Variants in ERBB2 observed in about 807,000 individuals in gnomAD.
ERBB2 encodes the protein receptor tyrosine-protein kinase erbB-2.
ERBB2 carries 61 observed loss-of-function variants against 149.0 expected under a neutral mutation model. That is an observed-to-expected ratio of 0.41 (90% CI 0.33 to 0.51). ERBB2 has a LOEUF of 0.51. ERBB2 is among the 20% of genes least tolerant of loss of function. The pLI, the probability that ERBB2 is intolerant of heterozygous loss-of-function variation, is 0.25. For synonymous variants in ERBB2, 633 were observed against 678.8 expected (o/e 0.93, Z 1.05); for missense variants, 1,205 against 1,655.1 (o/e 0.73, Z 4.72).
chr17:39,713,758 GA>G (rs774902171), intron 9 of ERBB2, among the ~76,000 whole-genome samples: 8,288 of 88,790 alleles, frequency 0.093, 451 homozygotes, highest in African/African-American at 0.19. Flanking sequence ...GTCTCAAAAA[GA>G]AAAAAAAAAA....
At chr17:39,706,457 G>T (rs562669082) in intron 1 of ERBB2, among the ~76,000 whole-genome samples, 1 of 152,174 alleles carries the variant, frequency 6.6e-6, no homozygotes, top group Non-Finnish European at 1.5e-5. Flanking sequence ...TGCAACTCCA[G>T]CTGACCCTCC....
chr17:39,695,704 TAC>T (rs56249643), upstream of ERBB2, among the ~76,000 whole-genome samples: 6,374 of 96,512 alleles, frequency 0.066, 216 homozygotes, highest in East Asian at 0.098. Flanking sequence ...GGTGCATGCA[TAC>T]ACACACACAC....
At chr17:39,721,116 T>A (rs956892040) in intron 16 of ERBB2, among the ~76,000 whole-genome samples, 7 of 152,246 alleles carry the variant, frequency 4.6e-5, no homozygotes, top group East Asian at 1.9e-4. Context: ...CTGGGTAATT[T>A]AAAAAATTTT....
At chr17:39,707,170 C>T (rs2145413337) in intron 2 of ERBB2, 29 bp downstream of exon 2, 2 of 1,523,866 alleles carry the variant, frequency 1.3e-6, no homozygotes, top group South Asian at 1.3e-5. Flanking sequence ...CCAGCCAGGC[C>T]CTGCCTCCAG....
chr17:39,724,668 G>A (rs2145843886), intron 19 of ERBB2, 58 bp from the exon 20 acceptor site: 2 of 1,493,878 alleles, frequency 1.3e-6, no homozygotes, highest in Non-Finnish European at 1.9e-6. Context: ...TTGGGAGGCT[G>A]TGTGGTGTTT....
rs2145576104 is a variant in ERBB2, at chr17:39,712,349, T to A, written c.1049T>A (p.Leu350Ter). Residue 350 changes from leucine to a stop codon, truncating the protein, a stop_gained, in exon 9 of 27, where the codon TTG becomes TAG. Coordinates refer to ENST00000269571, the MANE Select transcript of ERBB2 (RefSeq NM_004448.4). LOFTEE classifies it high-confidence loss of function. ...TGCTATGGTCTGGGCATGGAGCACT[T>A]GCGAGAGGTGAGGGCAGTTACCAGT... ...RVCYGLGMEHLREVRAVTSAN... is the reference protein window; with the variant it reads ...RVCYGLGMEH 1 of 1,613,974 alleles carries A rather than the reference T, an allele frequency of 6.2e-7. No individual in the cohort carries two copies. Among genetic ancestry groups the A allele is most frequent in the Non-Finnish European group, 8.5e-7 (1 of 1,179,994 alleles).
Position 39,726,234 on chromosome 17 carries a change from G to A in ERBB2, c.2873-328G>A, listed in dbSNP as rs2059749732. On this transcript the variant is annotated intron_variant, in intron 23 of 26. Coordinates refer to ENST00000269571, the MANE Select transcript of ERBB2 (RefSeq NM_004448.4). The surrounding 1 kb of genome is among the most constrained non-coding windows in gnomAD (Gnocchi z 5.1). The stretch of plus-strand genomic sequence containing the variant: ...CAGTAGTCCCAGCTACTCAGGAGAG[G>A]CTGAGGCAGGAAGATCACTTGAGCC... 7.0e-6 allele frequency: 3 copies of A among 426,158 alleles called. No individual in the cohort carries two copies. Among genetic ancestry groups the A allele is most frequent in the South Asian group, 2.9e-5 (1 of 34,780 alleles). The allele number at this position is 426,158 out of a possible 1,614,324, so 26.4% of individuals were successfully genotyped here.
chr17:39,718,670 G>A (rs1174666876), intron 15 of ERBB2, among the ~76,000 whole-genome samples: 4 of 151,704 alleles, frequency 2.6e-5, no homozygotes, highest in East Asian at 1.9e-4. Flanking sequence ...TGGTGATGCT[G>A]TTCTGCACTT....
At chr17:39,699,971 G>A, upstream of ERBB2, 1 of 1,253,782 alleles carries the variant, frequency 8.0e-7, no homozygotes, top group Non-Finnish European at 1.0e-6. Context: ...GGGCGAGCTG[G>A]GAGCGCGCTT....
intron 4 of ERBB2, 72 bp downstream of exon 4, chr17:39,709,524 A>G: frequency 6.5e-7 from 1 of 1,547,198 alleles, no homozygotes; most frequent in South Asian, 1.2e-5. Flanking sequence ...CCAACTTACA[A>G]CCCAGTGCCT....
rs760271180 is a variant in ERBB2, at chr17:39,717,445, C to G, written c.1863C>G (p.Gly621=). 2 of 1,613,138 alleles carry G rather than the reference C, an allele frequency of 1.2e-6. No individual in the cohort carries two copies. Among genetic ancestry groups the G allele is most frequent in the African/African-American group, 2.7e-5 (2 of 74,910 alleles). The change falls in exon 15 of 27, where the codon GGC becomes GGG. Residue 621 remains glycine (G), a synonymous_variant. Transcript: ENST00000269571. ...TCTGGAAGTTTCCAGATGAGGAGGGCGCATGCCAGCCTTGCCCCATCAACT... is the reference window on the plus strand; with the variant it reads ...TCTGGAAGTTTCCAGATGAGGAGGGGGCATGCCAGCCTTGCCCCATCAACT... ...MPIWKFPDEE[G]ACQPCPINCT...
At chr17:39,694,305 A>G (rs867311079), upstream of ERBB2, among the ~76,000 whole-genome samples, 195 of 118,046 alleles carry the variant, frequency 1.7e-3, 14 homozygotes, top group Middle Eastern at 0.045. Flanking sequence ...ATATATGTGT[A>G]TATATATATA....
chr17:39,711,074 A>T (rs1356690982), intron 7 of ERBB2, among the ~76,000 whole-genome samples: 1 of 151,750 alleles, frequency 6.6e-6, no homozygotes, highest in East Asian at 1.9e-4. Flanking sequence ...TAAATTTTGT[A>T]TTTTTAGTAG....
intron 1 of ERBB2, among the ~76,000 whole-genome samples, chr17:39,706,271 G>A (rs998140006): frequency 3.3e-5 from 5 of 152,232 alleles, no homozygotes; most frequent in African/African-American, 1.2e-4. Flanking sequence ...GCCCTGAGGA[G>A]GTGGCCAGGG....
intron 2 of ERBB2, among the ~76,000 whole-genome samples, chr17:39,689,211 A>G (rs1158691351): frequency 6.6e-6 from 1 of 152,176 alleles, no homozygotes; most frequent in Non-Finnish European, 1.5e-5. Context: ...AAGCAAGGCA[A>G]AATCTCCAGG....
At position 39,728,542 on chromosome 17, in the gene ERBB2, T is replaced by G. The variant is rs954943465; in HGVS notation, c.*498T>G. ...TTTAGTTTTTACTTTTTTTGTTTTG[T>G]TTTTTTAAAGATGAAATAAAGACCC... On this transcript the variant is annotated 3_prime_UTR_variant, in exon 27 of 27. Coordinates refer to ENST00000269571, the MANE Select transcript of ERBB2 (RefSeq NM_004448.4). 9.0e-5 allele frequency: 21 copies of G among 234,480 alleles called. No homozygotes were observed. The highest frequency in any genetic ancestry group is 4.4e-4 in the African/African-American group (20 of 45,368). 14.5% of individuals were successfully genotyped at this position (234,480 alleles called of 1,614,324 possible).
Position 39,725,546 on chromosome 17 carries a change from T to G in ERBB2, c.2725+144T>G. ...CCTGTGCCCCACCTTGCAGGGTCTGTGCACTTCCCAGGATTAGGGAAAGAC... is the reference window on the plus strand; with the variant it reads ...CCTGTGCCCCACCTTGCAGGGTCTGGGCACTTCCCAGGATTAGGGAAAGAC... On this transcript the variant is annotated intron_variant, in intron 22 of 26. Coordinates refer to ENST00000269571, the MANE Select transcript of ERBB2 (RefSeq NM_004448.4). This position sits in a 1 kb window ranked among gnomAD's most constrained non-coding sequence, Gnocchi z 4.6. The G allele has an allele frequency of 8.4e-7, 1 of 1,196,302 alleles. No homozygotes were observed. Among genetic ancestry groups the G allele is most frequent in the Non-Finnish European group, 1.2e-6 (1 of 838,178 alleles). 74.1% of individuals were successfully genotyped at this position (1,196,302 alleles called of 1,614,324 possible). A position where few individuals can be genotyped will look rare whatever the true frequency, so the allele number is the denominator to read the frequency against.
At chr17:39,716,246 T>G in intron 12 of ERBB2, 55 bp from the exon 13 acceptor site, 2 of 1,509,452 alleles carry the variant, frequency 1.3e-6, no homozygotes, top group Non-Finnish European at 1.8e-6. Context: ...CCTGGTTCAC[T>G]TGGACCTGGG....
chr17:39,696,268 C>T (rs2057861767), upstream of ERBB2, among the ~76,000 whole-genome samples: 1 of 152,124 alleles, frequency 6.6e-6, no homozygotes, highest in African/African-American at 2.4e-5. Flanking sequence ...GGCTCGGCCC[C>T]TCTCGAGCCT....
Sources: allele counts gnomAD v4.1 joint callset (sites outside exome capture counted in the v4.1 genomes callset), GRCh38; gene constraint gnomAD v4.1.1; non-coding constraint Gnocchi (gnomAD v3.1); transcripts MANE v1.5; gene names NCBI Gene and HGNC (gene_info 2026-07-23, HGNC 2026-07-21).